The following RYR2 variants were observed in gnomAD, a reference collection of about 807,000 sequenced individuals.
RYR2 encodes the protein ryanodine receptor 2.
Under a neutral mutation model 601.1 loss-of-function variants are expected in RYR2, and 227 were observed. The observed-to-expected ratio is 0.38, with a 90% CI of 0.34 to 0.42. The LOEUF is 0.42. Ranked by LOEUF, RYR2 falls within the 10% of genes least tolerant of loss-of-function variation. RYR2 has a pLI of 1.00. For missense variants in RYR2, 4,646 were observed against 6,156.5 expected (o/e 0.75, Z 8.21); for synonymous variants, 2,223 against 2,175.1 (o/e 1.02, Z -0.61).
At chr1:237,594,885 G>GGTTTTTTTTGTTTTGTTTT in intron 33 of RYR2, among the ~76,000 whole-genome samples, 1 of 79,058 alleles carries the variant, frequency 1.3e-5, no homozygotes, top group South Asian at 5.9e-4. Context: ...AATATCACTG[G>GGTTTTTTTTGTTTTGTTTT]GTTTTTTTTT....
chr1:237,138,053 A>G (rs1440317331), intron 1 of RYR2, among the ~76,000 whole-genome samples: 1 of 151,480 alleles, frequency 6.6e-6, no homozygotes, highest in Non-Finnish European at 1.5e-5. Context: ...ATTTTTTGGG[A>G]CTGAGTCTTG....
At chr1:237,761,266 G>A (rs1284181715) in intron 84 of RYR2, among the ~76,000 whole-genome samples, 2 of 151,988 alleles carry the variant, frequency 1.3e-5, no homozygotes, top group African/African-American at 4.8e-5. Context: ...CCCCTTATTG[G>A]GTTTTCAATG....
chr1:237,328,787 C>G (rs1696411564), intron 2 of RYR2, among the ~76,000 whole-genome samples: 1 of 152,148 alleles, frequency 6.6e-6, no homozygotes, highest in Admixed American at 6.5e-5. Flanking sequence ...GATGAAAAAT[C>G]ATTCCAATGG....
At chr1:237,152,145 G>A (rs1674780563) in intron 1 of RYR2, among the ~76,000 whole-genome samples, 1 of 152,058 alleles carries the variant, frequency 6.6e-6, no homozygotes, top group Non-Finnish European at 1.5e-5. Flanking sequence ...GAGGATGATG[G>A]TTTCCAGCTT....
chr1:237,755,202 C>A (rs140378350), intron 80 of RYR2: 562 of 759,316 alleles, frequency 7.4e-4, no homozygotes, highest in Non-Finnish European at 9.4e-4. Context: ...TTTCCCCCTC[C>A]TTTTAGTTCA....
intron 101 of RYR2, among the ~76,000 whole-genome samples, chr1:237,828,155 A>C (rs1204645358): frequency 6.6e-6 from 1 of 151,778 alleles, no homozygotes; most frequent in Non-Finnish European, 1.5e-5. Flanking sequence ...ATTTTAAAAC[A>C]CTCTTTTCAG....
intron 48 of RYR2, among the ~76,000 whole-genome samples, chr1:237,647,564 G>A (rs1055137235): frequency 1.3e-5 from 2 of 151,994 alleles, no homozygotes; most frequent in Non-Finnish European, 2.9e-5. Flanking sequence ...TTGACTATAC[G>A]TGGAAACAGA....
At chr1:237,377,471 A>G in intron 8 of RYR2, 36 bp downstream of exon 8, 2 of 1,444,420 alleles carry the variant, frequency 1.4e-6, no homozygotes, top group Non-Finnish European at 1.9e-6. Flanking sequence ...ATCTGCTGAT[A>G]TGCTAAATGA....
intron 27 of RYR2, among the ~76,000 whole-genome samples, chr1:237,560,293 G>C: frequency 6.6e-6 from 1 of 152,236 alleles, no homozygotes; most frequent in East Asian, 1.9e-4. Flanking sequence ...GCCTCACAAA[G>C]CTGCAAGGCT....
At chr1:237,619,501 A>G (rs550883235) in intron 38 of RYR2, among the ~76,000 whole-genome samples, 1 of 152,346 alleles carries the variant, frequency 6.6e-6, no homozygotes, top group Non-Finnish European at 1.5e-5. Context: ...TGAATATAAC[A>G]AAAGATCTAA....
At chr1:237,072,071 A>G (rs1201331685) in intron 1 of RYR2, among the ~76,000 whole-genome samples, 2 of 152,194 alleles carry the variant, frequency 1.3e-5, no homozygotes, top group Non-Finnish European at 2.9e-5. Context: ...CCAAGAGCAC[A>G]TGGATGCCCA....
chr1:237,489,411 C>G (rs956692865), intron 17 of RYR2, among the ~76,000 whole-genome samples: 1 of 152,150 alleles, frequency 6.6e-6, no homozygotes, highest in Non-Finnish European at 1.5e-5. Flanking sequence ...AATCCCAGCA[C>G]TTTAGGAGAC....
At chr1:237,612,621 T>C (rs531702812) in intron 36 of RYR2, among the ~76,000 whole-genome samples, 8 of 152,104 alleles carry the variant, frequency 5.3e-5, no homozygotes, top group Admixed American at 5.2e-4. Context: ...GTGAGAAGAG[T>C]TTTATCATAA....
chr1:237,771,853 T>C (rs1694297503), intron 85 of RYR2, among the ~76,000 whole-genome samples, 159 bp from the exon 86 acceptor site: 1 of 152,166 alleles, frequency 6.6e-6, no homozygotes, highest in African/African-American at 2.4e-5. Context: ...TCACTTTTTA[T>C]GGAAAATATA....
rs140440259 is a variant in RYR2 at position 237,631,408 on chromosome 1, C to A, written c.6441-19C>A. The A allele has an allele frequency of 5.3e-6, 8 of 1,495,978 alleles. No individual in the cohort carries two copies. The highest frequency in any genetic ancestry group is 1.7e-5 in the Admixed American group (1 of 58,950). The allele number at this position is 1,495,978 out of a possible 1,614,324, so 92.7% of individuals were successfully genotyped here. A position where few individuals can be genotyped will look rare whatever the true frequency, so the allele number is the denominator to read the frequency against. On this transcript the variant is annotated intron_variant, in intron 41 of 104. Transcript: ENST00000366574. The stretch of plus-strand genomic sequence containing the variant: ...ATGTTGCTCTGAGCTTTACCCCATA[C>A]GTCCATTGTCCTTTCTAGGGATATT...
At position 237,402,830 on chromosome 1, in the gene RYR2, G is replaced by GATTT. The variant is rs1703481689; in HGVS notation, c.774-14219_774-14218insATTT. On this transcript the variant is annotated intron_variant, in intron 10 of 104. Transcript: ENST00000366574. ...AGAGTCTTACTCTATTGGGCAGGCT[G>GATTT]GAGTACAGCGGTGAAATCATGGCTC... is the stretch of plus-strand genomic sequence containing the variant. Among the ~76,000 whole-genome samples, 4 of 149,142 alleles carry GATTT rather than the reference G, an allele frequency of 2.7e-5. No individual in the cohort carries two copies. In the South Asian group the frequency reaches 6.3e-4, roughly 24 times the overall value.
At chr1:237,432,456 T>G (rs977667947) in intron 12 of RYR2, among the ~76,000 whole-genome samples, 3 of 152,118 alleles carry the variant, frequency 2.0e-5, no homozygotes, top group Non-Finnish European at 4.4e-5. Context: ...AAATTCTTAT[T>G]ATCTGGTGAG....
At chr1:237,368,205 T>C (rs866246796) in intron 5 of RYR2, among the ~76,000 whole-genome samples, 4 of 152,196 alleles carry the variant, frequency 2.6e-5, no homozygotes, top group South Asian at 2.1e-4. Context: ...ACATAAAATA[T>C]GTAAAAGTTT....
intron 34 of RYR2, among the ~76,000 whole-genome samples, chr1:237,600,910 A>G (rs1676431506): frequency 6.6e-6 from 1 of 152,202 alleles, no homozygotes; most frequent in Admixed American, 6.5e-5. Flanking sequence ...TCCAGTTAAA[A>G]TGGCTATTAT....
Sources: allele counts gnomAD v4.1 joint callset (sites outside exome capture counted in the v4.1 genomes callset), GRCh38; gene constraint gnomAD v4.1.1; transcripts MANE v1.5; gene names NCBI Gene and HGNC (gene_info 2026-07-23, HGNC 2026-07-21).